Variants in NKAIN3 observed in about 807,000 individuals in gnomAD.
NKAIN3 encodes sodium/potassium transporting ATPase interacting 3.
Under a neutral mutation model 30.2 loss-of-function variants are expected in NKAIN3, and 25 were observed. That is an observed-to-expected ratio of 0.83 (90% confidence interval 0.60 to 1.16). The LOEUF is 1.16. Ranked by LOEUF, NKAIN3 falls within the 50% of genes most tolerant of loss-of-function variation. The probability of loss-of-function intolerance (pLI) is 0.00; values close to 1 mark genes in which losing one functional copy is unlikely to be tolerated. For missense variants in NKAIN3, 225 were observed against 254.1 expected, an observed-to-expected ratio of 0.89 and a Z score of 0.78; for synonymous variants, 91 against 89.6, an observed-to-expected ratio of 1.02 and a Z score of -0.09.
intron 1 of NKAIN3, among the ~76,000 whole-genome samples, chr8:62,263,313 T>C (rs1585609645): frequency 6.6e-6 from 1 of 152,094 alleles, no homozygotes; most frequent in Non-Finnish European, 1.5e-5. Context: ...AACAGAAATG[T>C]ACTTCTTTAG....
chr8:62,729,491 C>A (rs1271704037), intron 3 of NKAIN3, among the ~76,000 whole-genome samples: 2 of 152,112 alleles, frequency 1.3e-5, no homozygotes, highest in Non-Finnish European at 2.9e-5. Context: ...CGTACTCTTA[C>A]CATATGATCT....
At chr8:62,735,293 T>A (rs1049832915) in intron 3 of NKAIN3, among the ~76,000 whole-genome samples, 3 of 152,092 alleles carry the variant, frequency 2.0e-5, no homozygotes, top group Non-Finnish European at 4.4e-5. Flanking sequence ...GCTTTGTTCC[T>A]TTAAAAAGTT....
At position 62,747,136 on chromosome 8, in the gene NKAIN3, G is replaced by A; in HGVS notation, c.471+7G>A. On this transcript the variant is annotated splice_region_variant and intron_variant, in intron 4 of 6. Coordinates refer to ENST00000623646, the MANE Select transcript of NKAIN3 (RefSeq NM_001304533.3). Reference sequence around the variant, plus strand: ...TGTCCAAATACTACTCTCTGTAAGTGTCACTTTTGTGTCATTATCTAATCA... The same window carrying A: ...TGTCCAAATACTACTCTCTGTAAGTATCACTTTTGTGTCATTATCTAATCA... The A allele has an allele frequency of 1.3e-6, 2 of 1,571,566 alleles. No individual in the cohort carries two copies. The highest frequency in any genetic ancestry group is 1.7e-6 in the Non-Finnish European group (2 of 1,143,590).
chr8:62,471,990 C>A (rs1192479713), intron 1 of NKAIN3, among the ~76,000 whole-genome samples: 2 of 148,994 alleles, frequency 1.3e-5, no homozygotes, highest in Non-Finnish European at 3.0e-5. Flanking sequence ...AAACAGCCTG[C>A]GCCCAGCCTG....
At chr8:62,302,480 A>G (rs1295793376) in intron 1 of NKAIN3, among the ~76,000 whole-genome samples, 1 of 152,108 alleles carries the variant, frequency 6.6e-6, no homozygotes, top group Non-Finnish European at 1.5e-5. Flanking sequence ...ATGTATCAAT[A>G]ACAAAGACAG....
intron 4 of NKAIN3, among the ~76,000 whole-genome samples, chr8:62,787,850 G>GAC (rs1817573484): frequency 2.0e-5 from 3 of 151,468 alleles, no homozygotes; most frequent in African/African-American, 7.3e-5. Context: ...CCCTACAAAG[G>GAC]ATGGGAACTC....
intron 1 of NKAIN3, among the ~76,000 whole-genome samples, chr8:62,400,211 A>G (rs1471764689): frequency 2.8e-5 from 4 of 141,540 alleles, no homozygotes; most frequent in African/African-American, 8.0e-5. Context: ...TGTCACCCAG[A>G]CTGGAGTGCA....
intron 5 of NKAIN3, chr8:62,990,329 A>T: frequency 7.4e-7 from 1 of 1,352,072 alleles, no homozygotes. Flanking sequence ...GTGTCATTCT[A>T]AACCCCAGAT....
Position 62,744,096 on chromosome 8 carries a change from G to A in NKAIN3, c.274-2836G>A, listed in dbSNP as rs115945977. ...TACTAATTTCTATGGCCTGCCTTGG[G>A]GAGAAAGGAAAGCAGGAGAAAGAAG... On this transcript the variant is annotated intron_variant, in intron 3 of 6. Transcript: ENST00000623646. Among the ~76,000 whole-genome samples the A allele has an allele frequency of 3.6e-3, 544 of 152,174 alleles. 3 individuals are homozygous for A. The highest frequency in any genetic ancestry group is 9.5e-3 in the African/African-American group (396 of 41,506).
In NKAIN3 at chr8:62,596,509, C is replaced by A. The variant is rs368705644; in HGVS notation, c.273+6715C>A. Among the ~76,000 whole-genome samples, 254 of 152,148 alleles carry A rather than the reference C, an allele frequency of 1.7e-3. 5 individuals are homozygous for A. In the South Asian group the frequency reaches 0.05, roughly 30 times the overall value. On this transcript the variant is annotated intron_variant, in intron 3 of 6. Transcript: ENST00000623646. ...TGTTCCCTCGGAAGTTAGGAATTCC[C>A]TTTCTCTCCATATTGCTGCATGGGC...
rs1041653236 is a variant in NKAIN3, at chr8:62,969,989, G to GT, written c.*4584dup. The stretch of plus-strand genomic sequence containing the variant: ...ATGAAAGAATCACTTGAGGCCAGGA[G>GT]TTCAAGACCAGCTTGGGCAAAATAG... On this transcript the variant is annotated 3_prime_UTR_variant, in exon 7 of 7. Transcript: ENST00000623646. Among the ~76,000 whole-genome samples, 1 of 152,066 alleles carries GT rather than the reference G, an allele frequency of 6.6e-6. No individual in the cohort carries two copies. Among genetic ancestry groups the GT allele is most frequent in the African/African-American group, 2.4e-5 (1 of 41,398 alleles).
At chr8:62,695,259 T>A (rs1053351585) in intron 3 of NKAIN3, among the ~76,000 whole-genome samples, 4 of 152,214 alleles carry the variant, frequency 2.6e-5, no homozygotes, top group African/African-American at 2.4e-5. Flanking sequence ...ATTTACTTTA[T>A]CATCACCCAC....
intron 4 of NKAIN3, among the ~76,000 whole-genome samples, chr8:62,851,091 T>G (rs1819880501): frequency 6.6e-6 from 1 of 152,098 alleles, no homozygotes; most frequent in Non-Finnish European, 1.5e-5. Context: ...CCCATGAGCA[T>G]GGAATGTTCT....
chr8:62,528,818 T>A (rs1411364857), intron 1 of NKAIN3, among the ~76,000 whole-genome samples: 1 of 152,126 alleles, frequency 6.6e-6, no homozygotes, highest in Non-Finnish European at 1.5e-5. Context: ...CCTGGCACAG[T>A]AATTATTCAG....
intron 1 of NKAIN3, among the ~76,000 whole-genome samples, chr8:62,356,400 C>G (rs907483128): frequency 6.6e-6 from 1 of 151,802 alleles, no homozygotes; most frequent in Non-Finnish European, 1.5e-5. Context: ...ATCTACAAAC[C>G]ATAACTTACA....
Position 62,969,485 on chromosome 8 carries a change from A to AT in NKAIN3, c.*4080dup, listed in dbSNP as rs1823785749. 6.6e-6 allele frequency among the ~76,000 whole-genome samples: 1 copy of AT among 152,192 alleles called. No homozygotes were observed. The highest frequency in any genetic ancestry group is 1.9e-4 in the East Asian group (1 of 5,196). On this transcript the variant is annotated 3_prime_UTR_variant, in exon 7 of 7. Transcript: ENST00000623646. ...CATTTCATACCTAATTTTAAAACGA[A>AT]TTGTGTCCCCAAATATGGTCTATTC...
intron 4 of NKAIN3, among the ~76,000 whole-genome samples, chr8:62,831,705 C>G (rs1233050007): frequency 6.6e-6 from 1 of 151,974 alleles, no homozygotes; most frequent in Non-Finnish European, 1.5e-5. Flanking sequence ...ATGAGCAAGA[C>G]CTTCAAGAAA....
intron 4 of NKAIN3, among the ~76,000 whole-genome samples, chr8:62,754,211 A>G (rs941261372): frequency 6.6e-6 from 1 of 152,168 alleles, no homozygotes; most frequent in Non-Finnish European, 1.5e-5. Context: ...AGAGGCACTC[A>G]TAAATCTTAG....
intron 3 of NKAIN3, among the ~76,000 whole-genome samples, chr8:62,629,573 T>C (rs1169392372): frequency 6.6e-6 from 1 of 152,130 alleles, no homozygotes; most frequent in Non-Finnish European, 1.5e-5. Flanking sequence ...TATTGGCACA[T>C]AGTAGGCACT....
Sources: gnomAD v4.1 joint callset for allele counts (sites outside exome capture counted in the v4.1 genomes callset) on GRCh38, gnomAD v4.1.1 for gene constraint, MANE v1.5 for transcripts, NCBI Gene and HGNC (gene_info 2026-07-23, HGNC 2026-07-21) for gene names.